The following IQCJ variants were observed in gnomAD, a reference collection of about 807,000 sequenced individuals.
The protein encoded by IQCJ is IQ domain-containing protein J.
A neutral mutation model predicts 11.0 loss-of-function variants in IQCJ; 9 were observed. The ratio of observed to expected loss-of-function variants is 0.82; its 90% CI spans 0.49 to 1.43. The LOEUF (loss-of-function observed/expected upper bound fraction) is 1.43. Among genes scored for constraint, IQCJ ranks in the 40% most tolerant of loss-of-function variants. IQCJ has a pLI of 0.00. For missense variants in IQCJ, 146 were observed against 133.2 expected (o/e 1.10, Z -0.47); for synonymous variants, 55 against 51.3 (o/e 1.07, Z -0.31).
chr3:159,091,574 C>T (rs1169443664), intron 1 of IQCJ, among the ~76,000 whole-genome samples: 1 of 151,228 alleles, frequency 6.6e-6, no homozygotes, highest in Non-Finnish European at 1.5e-5. Flanking sequence ...GAGAGGGACA[C>T]AAACATTCAG....
chr3:159,150,018 C>G (rs1721118798), intron 1 of IQCJ, among the ~76,000 whole-genome samples: 2 of 152,182 alleles, frequency 1.3e-5, no homozygotes, highest in Non-Finnish European at 2.9e-5. Flanking sequence ...CCTAGCACTT[C>G]CCACCCACCA....
At chr3:159,237,370 C>T (rs1435141874) in intron 1 of IQCJ, among the ~76,000 whole-genome samples, 2 of 152,200 alleles carry the variant, frequency 1.3e-5, no homozygotes, top group South Asian at 4.1e-4. Context: ...GCTTGTCTAA[C>T]CTCTTAGCTA....
rs953242135 is a variant in IQCJ at position 159,112,146 on chromosome 3, C to T, written c.9+42705C>T. Among the ~76,000 whole-genome samples the T allele has an allele frequency of 6.6e-5, 10 of 152,170 alleles. 1 individual carries two copies. Among genetic ancestry groups the T allele is most frequent in the Admixed American group, 5.9e-4 (9 of 15,282 alleles). The stretch of plus-strand genomic sequence containing the variant: ...ATGAGGACAGCCCTTGGGTCTTGCC[C>T]TCATTCTGCCACATGCTTGTGAGCA... On this transcript the variant is annotated intron_variant, in intron 1 of 3. Transcript: ENST00000397832.
chr3:159,118,723 A>G (rs1249383334), intron 1 of IQCJ, among the ~76,000 whole-genome samples: 1 of 152,226 alleles, frequency 6.6e-6, no homozygotes, highest in Non-Finnish European at 1.5e-5. Flanking sequence ...ACACATACTG[A>G]ACACCATTTC....
At chr3:159,148,635 T>C (rs1038979757) in intron 1 of IQCJ, among the ~76,000 whole-genome samples, 8 of 152,168 alleles carry the variant, frequency 5.3e-5, no homozygotes, top group Admixed American at 4.6e-4. Context: ...TTACCTCTTA[T>C]AGGTACCATC....
intron 1 of IQCJ, among the ~76,000 whole-genome samples, chr3:159,115,939 A>G (rs1183998480): frequency 6.6e-6 from 1 of 152,072 alleles, no homozygotes; most frequent in Non-Finnish European, 1.5e-5. Flanking sequence ...GGGCTAGGGG[A>G]GGGATAGCAT....
At chr3:159,157,495 T>A (rs1295574475) in intron 1 of IQCJ, among the ~76,000 whole-genome samples, 3 of 152,216 alleles carry the variant, frequency 2.0e-5, no homozygotes, top group Non-Finnish European at 4.4e-5. Context: ...AACATTTATA[T>A]GATGAGTAGT....
At chr3:159,218,516 C>G (rs1026604207) in intron 1 of IQCJ, among the ~76,000 whole-genome samples, 1 of 151,966 alleles carries the variant, frequency 6.6e-6, no homozygotes, top group African/African-American at 2.4e-5. Context: ...TTTTTTGAAC[C>G]AGTTTGTCTT....
chr3:159,069,338 C>G lies in IQCJ; in HGVS notation c.-95C>G. ...AGCCTCACACTCGCCTCACATTCCC[C>G]CACAGTCACATTGCGCTCTGTGATT... On this transcript the variant is annotated 5_prime_UTR_variant, in exon 1 of 4. Coordinates refer to ENST00000397832, the MANE Select transcript of IQCJ (RefSeq NM_001042706.3). 6.7e-7 allele frequency: 1 copy of G among 1,494,140 alleles called. No individual in the cohort carries two copies. The highest frequency in any genetic ancestry group is 1.4e-5 in the South Asian group (1 of 69,966). 92.6% of individuals were successfully genotyped at this position (1,494,140 alleles called of 1,614,324 possible).
intron 1 of IQCJ, among the ~76,000 whole-genome samples, chr3:159,087,583 C>G (rs908944210): frequency 3.3e-5 from 5 of 150,082 alleles, no homozygotes; most frequent in African/African-American, 7.3e-5. Context: ...TTGATTATTG[C>G]CACAATTTCA....
At chr3:159,231,773 G>T (rs1726263427) in intron 1 of IQCJ, among the ~76,000 whole-genome samples, 1 of 152,092 alleles carries the variant, frequency 6.6e-6, no homozygotes, top group African/African-American at 2.4e-5. Context: ...GCTTTTATTT[G>T]TTGGTAGGCT....
chr3:159,090,218 C>T (rs771817827), intron 1 of IQCJ, among the ~76,000 whole-genome samples: 15 of 151,736 alleles, frequency 9.9e-5, no homozygotes, highest in Non-Finnish European at 1.6e-4. Context: ...GGGTGCCTCC[C>T]GGTTAGGCTG....
chr3:159,077,669 T>A (rs1392944), intron 1 of IQCJ, among the ~76,000 whole-genome samples: 111,608 of 152,004 alleles, frequency 0.73, 41,086 homozygotes, highest in East Asian at 0.84. Context: ...ATAGTCATAG[T>A]AAAATTCTCA....
chr3:159,244,969 C>G (rs1273317294), intron 1 of IQCJ, among the ~76,000 whole-genome samples: 1 of 152,128 alleles, frequency 6.6e-6, no homozygotes, highest in East Asian at 1.9e-4. Flanking sequence ...GAACAGAGTT[C>G]TGCGAGTCTT....
At chr3:159,232,532 TTGAG>T (rs1003597557) in intron 1 of IQCJ, among the ~76,000 whole-genome samples, 96 of 149,354 alleles carry the variant, frequency 6.4e-4, no homozygotes, top group African/African-American at 2.3e-3. Context: ...TCTCAGCTCA[TTGAG>T]TGAGTTTCTT....
At chr3:159,110,816 A>G (rs569183849) in intron 1 of IQCJ, among the ~76,000 whole-genome samples, 2 of 152,274 alleles carry the variant, frequency 1.3e-5, no homozygotes, top group Non-Finnish European at 2.9e-5. Flanking sequence ...AACAATAAAC[A>G]TGTCCTTCTC....
Position 159,125,815 on chromosome 3 carries a change from C to T in IQCJ, c.9+56374C>T, listed in dbSNP as rs1360476159. Among the ~76,000 whole-genome samples, 3 of 152,320 alleles carry T rather than the reference C, an allele frequency of 2.0e-5. No individual in the cohort carries two copies. The East Asian group carries it at 5.8e-4, about 29-fold the overall frequency. The stretch of plus-strand genomic sequence containing the variant: ...CAAATATGGAACTGATTAATGGCAG[C>T]CTTGACCCCTACAGGGGACCAACCT... On this transcript the variant is annotated intron_variant, in intron 1 of 3. Transcript: ENST00000397832.
At chr3:159,225,913 G>A (rs1369260339) in intron 1 of IQCJ, among the ~76,000 whole-genome samples, 1 of 152,160 alleles carries the variant, frequency 6.6e-6, no homozygotes, top group East Asian at 1.9e-4. Context: ...TCTCATGTTT[G>A]ATATTTGCTG....
At chr3:159,112,658 G>A (rs184521191) in intron 1 of IQCJ, among the ~76,000 whole-genome samples, 1 of 152,226 alleles carries the variant, frequency 6.6e-6, no homozygotes, top group Non-Finnish European at 1.5e-5. Context: ...CCTGGATGCT[G>A]ACCGTAGCCT....
Sources: allele counts gnomAD v4.1 joint callset (sites outside exome capture counted in the v4.1 genomes callset), GRCh38; gene constraint gnomAD v4.1.1; transcripts MANE v1.5; gene names NCBI Gene and HGNC (gene_info 2026-07-23, HGNC 2026-07-21).